Variants in MAPK15 observed in about 807,000 individuals in gnomAD.
MAPK15 encodes mitogen-activated protein kinase 15.
A neutral mutation model predicts 60.8 loss-of-function variants in MAPK15; 61 were observed. The ratio of observed to expected loss-of-function variants is 1.00; its 90% CI spans 0.82 to 1.24. MAPK15 has a LOEUF of 1.24. Ranked by LOEUF, MAPK15 falls within the 50% of genes most tolerant of loss-of-function variation. The pLI, the probability that MAPK15 is intolerant of heterozygous loss-of-function variation, is 0.00. For missense variants in MAPK15, 808 were observed against 741.1 expected (o/e 1.09, Z -1.05); for synonymous variants, 356 against 319.9 (o/e 1.11, Z -1.21).
chr8:143,720,184 C>T lies in MAPK15; in HGVS notation c.722-46C>T, dbSNP rs372766523. 1 of 1,545,464 alleles carries T rather than the reference C, an allele frequency of 6.5e-7. No homozygotes were observed. Among genetic ancestry groups the T allele is most frequent in the Non-Finnish European group, 8.7e-7 (1 of 1,146,990 alleles). ...TGGCCCCAGATGCCCTGAGCCGCCCCAGCCGACCAGGCCTGCCTGGGTCAC... is the reference window on the plus strand; with the variant it reads ...TGGCCCCAGATGCCCTGAGCCGCCCTAGCCGACCAGGCCTGCCTGGGTCAC... On this transcript the variant is annotated intron_variant, in intron 7 of 13. Coordinates refer to ENST00000338033, the MANE Select transcript of MAPK15 (RefSeq NM_139021.3). The surrounding 1 kb of genome is among the most constrained non-coding windows in gnomAD (Gnocchi z 4.6).
In MAPK15 at chr8:143,720,187, C is replaced by T. The variant is rs377127821; in HGVS notation, c.722-43C>T. ...CCCCAGATGCCCTGAGCCGCCCCAG[C>T]CGACCAGGCCTGCCTGGGTCACACC... On this transcript the variant is annotated intron_variant, in intron 7 of 13. Coordinates refer to ENST00000338033, the MANE Select transcript of MAPK15 (RefSeq NM_139021.3). This position sits in a 1 kb window ranked among gnomAD's most constrained non-coding sequence, Gnocchi z 4.6. 10 of 1,546,104 alleles carry T rather than the reference C, an allele frequency of 6.5e-6. No individual in the cohort carries two copies. The highest frequency in any genetic ancestry group is 2.7e-5 in the African/African-American group (2 of 73,086).
At position 143,716,449 on chromosome 8, in the gene MAPK15, T is replaced by C; in HGVS notation, c.66+6T>C. 6.3e-7 allele frequency: 1 copy of C among 1,595,320 alleles called. No individual in the cohort carries two copies. The highest frequency in any genetic ancestry group is 8.5e-7 in the Non-Finnish European group (1 of 1,172,826). On this transcript the variant is annotated splice_donor_region_variant and intron_variant, in intron 1 of 13. Transcript: ENST00000338033. ...GGCGGCAGCTCGGGCAGGGGGTGAG[T>C]GCCTGGGGGTGCGTCCGCGCGCCGA...
chr8:143,720,175 G>A lies in MAPK15; in HGVS notation c.722-55G>A. On this transcript the variant is annotated intron_variant, in intron 7 of 13. Coordinates refer to ENST00000338033, the MANE Select transcript of MAPK15 (RefSeq NM_139021.3). The surrounding 1 kb of genome is among the most constrained non-coding windows in gnomAD (Gnocchi z 4.6). ...AGAGATGACTGGCCCCAGATGCCCT[G>A]AGCCGCCCCAGCCGACCAGGCCTGC... 6.5e-7 allele frequency: 1 copy of A among 1,542,350 alleles called. No homozygotes were observed. The highest frequency in any genetic ancestry group is 8.7e-7 in the Non-Finnish European group (1 of 1,146,648).
chr8:143,718,717 C>T (rs781898275), intron 4 of MAPK15, 58 bp from the exon 5 acceptor site: 1 of 777,536 alleles, frequency 1.3e-6, no homozygotes. Flanking sequence ...TCTCCCACTC[C>T]CCCCAGGTTG....
In MAPK15 at chr8:143,722,161, G is replaced by A; in HGVS notation, c.1545G>A (p.Arg515=). 1 of 1,611,182 alleles carries A rather than the reference G, an allele frequency of 6.2e-7. No individual in the cohort carries two copies. The change falls in exon 14 of 14, where the codon AGG becomes AGA. Residue 515 remains arginine (R), a synonymous_variant. Coordinates refer to ENST00000338033, the MANE Select transcript of MAPK15 (RefSeq NM_139021.3). ...SALQGAQGGA[R]ALLGGYSQAY... ...TGCAGGGTGCCCAGGGGGGTGCCAG[G>A]GCTTTGCTTGGAGGCTACTCCCAAG...
rs200749268 is a variant in MAPK15, at chr8:143,720,708, G to C, written c.785G>C (p.Arg262Pro). The change falls in exon 9 of 14, where the codon CGA (arginine) becomes CCA (proline). Residue 262 changes from arginine to proline, a missense_variant. Physicochemically the swap from Arg to Pro is moderately radical, Grantham distance 103 (BLOSUM62 -2). Coordinates refer to ENST00000338033, the MANE Select transcript of MAPK15 (RefSeq NM_139021.3). This position sits in a 1 kb window ranked among gnomAD's most constrained non-coding sequence, Gnocchi z 4.6. ...CGACACACGGCAGCCCACAGGCCAC[G>C]ACAGACGCTGGATGCCCTCCTACCG... Reference protein sequence around the residue: ...SVLHQLGSRPRQTLDALLPPD... With the variant: ...SVLHQLGSRPPQTLDALLPPD... 1.7e-5 allele frequency: 28 copies of C among 1,611,028 alleles called. No individual in the cohort carries two copies. The highest frequency in any genetic ancestry group is 2.3e-5 in the Non-Finnish European group (27 of 1,178,948).
In MAPK15 at chr8:143,721,298, G is replaced by A. The variant is rs374153139; in HGVS notation, c.1091G>A (p.Ser364Asn). Residue 364 changes from serine (S) to asparagine (N), a missense_variant, in exon 11 of 14, where the codon AGC becomes AAC. Physicochemically the swap from Ser to Asn is conservative, Grantham distance 46. Transcript: ENST00000338033. ...REKGPEGVSP[S>N]QAHLHKPRAD... Reference sequence around the variant, plus strand: ...AAGGGCCCGGAGGGTGTCTCCCCAAGCCAGGCACACCTGCACAAACCCAGA... The same window carrying A: ...AAGGGCCCGGAGGGTGTCTCCCCAAACCAGGCACACCTGCACAAACCCAGA... 1.2e-5 allele frequency: 19 copies of A among 1,613,568 alleles called. No homozygotes were observed. Among genetic ancestry groups the A allele is most frequent in the Non-Finnish European group, 1.6e-5 (19 of 1,179,960 alleles).
Position 143,721,350 on chromosome 8 carries a change from A to G in MAPK15, c.1143A>G (p.Thr381=), listed in dbSNP as rs782202223. ...CCGACCCTCAGCTGCCTTCTAGGAC[A>G]CCTGTGCAGGGTCCCAGACCCAGGC... is the stretch of plus-strand genomic sequence containing the variant. ...PRADPQLPSR[T]PVQGPRPRPQ... The change falls in exon 11 of 14, where the codon ACA becomes ACG. Residue 381 remains threonine, a synonymous_variant. Coordinates refer to ENST00000338033, the MANE Select transcript of MAPK15 (RefSeq NM_139021.3). 1 of 1,613,426 alleles carries G rather than the reference A, an allele frequency of 6.2e-7. No homozygotes were observed. Among genetic ancestry groups the G allele is most frequent in the South Asian group, 1.1e-5 (1 of 91,072 alleles).
At chr8:143,718,735 A>ACCCCCCCCC in intron 4 of MAPK15, 40 bp from the exon 5 acceptor site, 3 of 110,034 alleles carry the variant, frequency 2.7e-5, no homozygotes, top group Non-Finnish European at 4.5e-5. Flanking sequence ...TTGCCCCCCC[A>ACCCCCCCCC]GCCCCCCACC....
At position 143,716,369 on chromosome 8, in the gene MAPK15, C is replaced by T. The variant is rs779193640; in HGVS notation, c.-9C>T. The T allele has an allele frequency of 1.9e-6, 3 of 1,591,298 alleles. No homozygotes were observed. Among genetic ancestry groups the T allele is most frequent in the Admixed American group, 1.7e-5 (1 of 57,368 alleles). ...TCAACAGTAAGGCCCCGCGGGCGTC[C>T]TGGCCGCCATGTGCACCGTAGTGGA... On this transcript the variant is annotated 5_prime_UTR_variant, in exon 1 of 14. Transcript: ENST00000338033.
rs376558180 is a variant in MAPK15, at chr8:143,719,369, G to A, written c.608G>A (p.Ser203Asn). 120 of 1,610,750 alleles carry A rather than the reference G, an allele frequency of 7.4e-5. No homozygotes were observed. The highest frequency in any genetic ancestry group is 1.6e-4 in the East Asian group (7 of 44,830). Residue 203 changes from serine (S) to asparagine (N), a missense_variant, in exon 7 of 14, where the codon AGT (serine) becomes AAT (asparagine). Ser to Asn is a conservative substitution (Grantham distance 46). Transcript: ENST00000338033. ...HRYTLGVDMWSLGCILGEMLR... is the reference protein window; with the variant it reads ...HRYTLGVDMWNLGCILGEMLR... ...TACACCCTTGGGGTGGACATGTGGAGTCTGGGCTGTATCCTGGGGGAGATG... is the reference window on the plus strand; with the variant it reads ...TACACCCTTGGGGTGGACATGTGGAATCTGGGCTGTATCCTGGGGGAGATG...
At chr8:143,722,021 C>G (rs1433735630) in intron 13 of MAPK15, 54 bp from the exon 14 acceptor site, 2 of 1,568,450 alleles carry the variant, frequency 1.3e-6, no homozygotes, top group Non-Finnish European at 1.7e-6. Flanking sequence ...CAAGGCCTCC[C>G]CTCCACTGCA....
chr8:143,721,258 G>C lies in MAPK15; in HGVS notation c.1051G>C (p.Gly351Arg). 6.2e-7 allele frequency: 1 copy of C among 1,612,522 alleles called. No individual in the cohort carries two copies. The highest frequency in any genetic ancestry group is 8.5e-7 in the Non-Finnish European group (1 of 1,179,444). The change falls in exon 11 of 14, where the codon GGC becomes CGC. Residue 351 changes from glycine (G) to arginine (R), a missense_variant. Transcript: ENST00000338033. ...GATCCTGGAGTGTGGAGGCAGCAGCGGCACCTCGAGAGAGAAGGGCCCGGA... is the reference window on the plus strand; with the variant it reads ...GATCCTGGAGTGTGGAGGCAGCAGCCGCACCTCGAGAGAGAAGGGCCCGGA... ...QMILECGGSS[G>R]TSREKGPEGV...
rs1554618819 is a variant in MAPK15 at position 143,718,284 on chromosome 8, C to T, written c.268C>T (p.Leu90=). 2 of 1,614,042 alleles carry T rather than the reference C, an allele frequency of 1.2e-6. No individual in the cohort carries two copies. The highest frequency in any genetic ancestry group is 4.5e-5 in the East Asian group (2 of 44,882). The part of the protein sequence containing the change: ...IRAENDRDIY[L]VFEFMDTDLN... ...GGCAGAGAACGACAGGGACATTTAC[C>T]TGGTGTTTGAGTTTATGGGTGAGTG... The change falls in exon 4 of 14, where the codon CTG becomes TTG. Residue 90 remains leucine, a synonymous_variant. Transcript: ENST00000338033.
rs782069530 is a variant in MAPK15, at chr8:143,718,799, G to C, written c.311G>C (p.Arg104Pro). The change falls in exon 5 of 14, where the codon CGG becomes CCG. Residue 104 changes from arginine to proline, a missense_variant. Physicochemically the swap from Arg to Pro is moderately radical, Grantham distance 103 (BLOSUM62 -2). Transcript: ENST00000338033. The part of the protein sequence containing the change: ...FMDTDLNAVI[R>P]KGGLLQDVHV... ...GACACTGACCTGAACGCAGTCATCC[G>C]GAAGGGCGGCCTGCTGCAGGACGTC... is the stretch of plus-strand genomic sequence containing the variant. 7.0e-6 allele frequency: 11 copies of C among 1,562,572 alleles called. No individual in the cohort carries two copies. Among genetic ancestry groups the C allele is most frequent in the Non-Finnish European group, 9.5e-6 (11 of 1,154,036 alleles).
chr8:143,721,578 A>G lies in MAPK15; in HGVS notation c.1234A>G (p.Arg412Gly). 1 of 1,613,638 alleles carries G rather than the reference A, an allele frequency of 6.2e-7. No homozygotes were observed. Among genetic ancestry groups the G allele is most frequent in the Non-Finnish European group, 8.5e-7 (1 of 1,179,824 alleles). The change falls in exon 12 of 14, where the codon AGG becomes GGG. Residue 412 changes from arginine to glycine, a missense_variant. By Grantham distance (125) the Arg-to-Gly change is moderately radical. Coordinates refer to ENST00000338033, the MANE Select transcript of MAPK15 (RefSeq NM_139021.3). ...ESPRAAKNVP[R>G]QNSAPLLQTA... ...CCCCCGTGCAGCCAAGAACGTTCCCAGGCAGAACTCCGCTCCCCTGCTCCA... is the reference window on the plus strand; with the variant it reads ...CCCCCGTGCAGCCAAGAACGTTCCCGGGCAGAACTCCGCTCCCCTGCTCCA...
Position 143,716,386 on chromosome 8 carries a change from CGTA to C in MAPK15, c.12_14del (p.Val5del), listed in dbSNP as rs1563746524. On this transcript the variant is annotated inframe_deletion, in exon 1 of 14. Transcript: ENST00000338033. ...CGGGCGTCCTGGCCGCCATGTGCAC[CGTA>C]GTGGACCCTCGCATTGTCCGGAGAT... is the stretch of plus-strand genomic sequence containing the variant. The C allele has an allele frequency of 6.3e-7, 1 of 1,599,888 alleles. No homozygotes were observed. Among genetic ancestry groups the C allele is most frequent in the Non-Finnish European group, 8.5e-7 (1 of 1,174,788 alleles).
Position 143,717,955 on chromosome 8 carries a change from G to C in MAPK15, c.166-92G>C, listed in dbSNP as rs1817876021. ...TGCCACGCCTGGTCTGGTGGGTATT[G>C]GGTGACAGACATCAGCTCCTTTGGG... On this transcript the variant is annotated intron_variant, in intron 2 of 13. Coordinates refer to ENST00000338033, the MANE Select transcript of MAPK15 (RefSeq NM_139021.3). 1.1e-5 allele frequency: 17 copies of C among 1,573,096 alleles called. 1 individual carries two copies. In the South Asian group the frequency reaches 1.9e-4, roughly 17 times the overall value.
Position 143,721,580 on chromosome 8 carries a change from G to A in MAPK15, c.1236G>A (p.Arg412=). 1 of 1,613,648 alleles carries A rather than the reference G, an allele frequency of 6.2e-7. No homozygotes were observed. The highest frequency in any genetic ancestry group is 1.1e-5 in the South Asian group (1 of 91,006). The change falls in exon 12 of 14, where the codon AGG becomes AGA. Residue 412 remains arginine, a synonymous_variant. Coordinates refer to ENST00000338033, the MANE Select transcript of MAPK15 (RefSeq NM_139021.3). ...ESPRAAKNVP[R]QNSAPLLQTA... is the part of the protein sequence containing the mutation. ...CCCGTGCAGCCAAGAACGTTCCCAG[G>A]CAGAACTCCGCTCCCCTGCTCCAAA...
Sources: gnomAD v4.1 joint callset for allele counts on GRCh38, gnomAD v4.1.1 for gene constraint, Gnocchi (gnomAD v3.1) non-coding constraint, MANE v1.5 for transcripts, NCBI Gene and HGNC (gene_info 2026-07-23, HGNC 2026-07-21) for gene names.